Variants in CCDC7 observed in about 807,000 individuals in gnomAD.
CCDC7 encodes the protein coiled-coil domain-containing protein 7.
Under a neutral mutation model 196.9 loss-of-function variants are expected in CCDC7, and 183 were observed. The observed-to-expected ratio is 0.93, with a 90% CI of 0.82 to 1.05. CCDC7 has a LOEUF of 1.05. CCDC7 is among the 50% of genes least tolerant of loss of function. CCDC7 has a pLI of 0.00. For synonymous variants in CCDC7, 525 were observed against 484.6 expected (o/e 1.08, Z -1.10); for missense variants, 1,540 against 1,482.2 (o/e 1.04, Z -0.64).
At chr10:32,739,393 C>G (rs1414024407) in intron 28 of CCDC7, among the ~76,000 whole-genome samples, 1 of 151,996 alleles carries the variant, frequency 6.6e-6, no homozygotes, top group Non-Finnish European at 1.5e-5. Context: ...TCTTTTTTGA[C>G]TGTGTCCAGT....
chr10:32,751,431 C>T (rs2075640221), intron 28 of CCDC7, among the ~76,000 whole-genome samples: 1 of 152,052 alleles, frequency 6.6e-6, no homozygotes, highest in East Asian at 1.9e-4. Context: ...TTATTGGAAG[C>T]ATGAATATTT....
At chr10:32,806,396 G>A (rs971894779) in intron 30 of CCDC7, among the ~76,000 whole-genome samples, 4 of 152,132 alleles carry the variant, frequency 2.6e-5, no homozygotes, top group Admixed American at 1.3e-4. Flanking sequence ...AACAGCTTAT[G>A]AGAATCCTAG....
chr10:32,651,725 C>T (rs76078552), intron 20 of CCDC7, among the ~76,000 whole-genome samples: 219 of 152,162 alleles, frequency 1.4e-3, no homozygotes, highest in Non-Finnish European at 2.5e-3. Flanking sequence ...CATCTTGGGG[C>T]TGACACCTCT....
intron 28 of CCDC7, among the ~76,000 whole-genome samples, chr10:32,738,602 T>TCCC (rs1375240933): frequency 1.3e-5 from 2 of 150,342 alleles, no homozygotes; most frequent in Admixed American, 6.7e-5. Flanking sequence ...AGCCTCCAAG[T>TCCC]ACCTGGGACT....
At chr10:32,713,818 T>C (rs1290352103) in intron 25 of CCDC7, among the ~76,000 whole-genome samples, 1 of 152,246 alleles carries the variant, frequency 6.6e-6, no homozygotes, top group Non-Finnish European at 1.5e-5. Context: ...CAGTGTTTGC[T>C]ATCTGGGCAG....
At chr10:32,790,329 A>G (rs2082497197) in intron 29 of CCDC7, among the ~76,000 whole-genome samples, 1 of 152,178 alleles carries the variant, frequency 6.6e-6, no homozygotes, top group Non-Finnish European at 1.5e-5. Context: ...GTGGAGGAAG[A>G]CATGCCCCCA....
chr10:32,637,961 T>G (rs377584286), intron 20 of CCDC7, among the ~76,000 whole-genome samples: 10 of 152,282 alleles, frequency 6.6e-5, no homozygotes, highest in South Asian at 4.1e-4. Context: ...TTGTAAGTTG[T>G]ATTCCTAGGT....
intron 18 of CCDC7, among the ~76,000 whole-genome samples, chr10:32,587,694 A>T (rs1227811673): frequency 6.6e-6 from 1 of 152,212 alleles, no homozygotes; most frequent in Non-Finnish European, 1.5e-5. Flanking sequence ...TATATGAATC[A>T]TCTGTGAATA....
At chr10:32,610,026 A>G (rs916810866) in intron 18 of CCDC7, among the ~76,000 whole-genome samples, 17 of 135,374 alleles carry the variant, frequency 1.3e-4, no homozygotes, top group Admixed American at 1.1e-3. Flanking sequence ...ATGTGTATGT[A>G]TGAGTGTGTG....
chr10:32,674,864 C>G (rs1326841111), intron 21 of CCDC7, among the ~76,000 whole-genome samples: 3 of 151,614 alleles, frequency 2.0e-5, no homozygotes, highest in Non-Finnish European at 1.5e-5. Context: ...TTTTTTGTCT[C>G]TTGACATCTT....
chr10:32,552,511 T>G (rs760523211), intron 13 of CCDC7, among the ~76,000 whole-genome samples: 38 of 152,200 alleles, frequency 2.5e-4, no homozygotes, highest in Non-Finnish European at 4.7e-4. Flanking sequence ...GTTTTATAGA[T>G]CCTGTGTGAA....
intron 18 of CCDC7, among the ~76,000 whole-genome samples, chr10:32,626,125 T>G (rs1394672810): frequency 6.6e-6 from 1 of 152,120 alleles, no homozygotes; most frequent in Non-Finnish European, 1.5e-5. Context: ...CTATTTTTAG[T>G]GTTTTGAGGA....
At position 32,500,251 on chromosome 10, in the gene CCDC7, G is replaced by A. The variant is rs926482745; in HGVS notation, c.872+8254G>A. On this transcript the variant is annotated intron_variant, in intron 9 of 41. Transcript: ENST00000639629. ...GGGGCTGCCCCCCGACCTCCTGGAC[G>A]GGGCGGCTGCCCGGTGGAGACGCTC... Among the ~76,000 whole-genome samples, 106 of 151,732 alleles carry A rather than the reference G, an allele frequency of 7.0e-4. 1 individual carries two copies. In the Middle Eastern group the frequency reaches 0.014, roughly 20 times the overall value.
At chr10:32,723,764 A>G (rs1254746455) in intron 25 of CCDC7, among the ~76,000 whole-genome samples, 1 of 152,070 alleles carries the variant, frequency 6.6e-6, no homozygotes, top group African/African-American at 2.4e-5. Flanking sequence ...GAAAAACCCA[A>G]GTCTCTAAGA....
At chr10:32,453,532 C>T in intron 2 of CCDC7, 96 bp downstream of exon 3, 1 of 769,300 alleles carries the variant, frequency 1.3e-6, no homozygotes, top group Non-Finnish European at 1.8e-6. Flanking sequence ...TTTTGGAGTA[C>T]TTATTATATC....
At chr10:32,720,534 G>T (rs2142115245) in intron 25 of CCDC7, among the ~76,000 whole-genome samples, 1 of 152,182 alleles carries the variant, frequency 6.6e-6, no homozygotes, top group Non-Finnish European at 1.5e-5. Flanking sequence ...TAACAAGCCT[G>T]CATGTTCTGC....
At chr10:32,869,590 T>A (rs568461438) in intron 41 of CCDC7, among the ~76,000 whole-genome samples, 4 of 152,314 alleles carry the variant, frequency 2.6e-5, no homozygotes, top group Non-Finnish European at 4.4e-5. Flanking sequence ...TTGTCAATTT[T>A]GGCTTTTGTT....
At chr10:32,659,826 T>C (rs1046267277) in intron 20 of CCDC7, among the ~76,000 whole-genome samples, 2 of 152,118 alleles carry the variant, frequency 1.3e-5, no homozygotes, top group African/African-American at 4.8e-5. Context: ...CAAAAAGAAC[T>C]GATGCTGGCA....
intron 11 of CCDC7, among the ~76,000 whole-genome samples, chr10:32,536,426 A>G: frequency 6.6e-6 from 1 of 152,126 alleles, no homozygotes. Flanking sequence ...AGATTTTGAG[A>G]TGGCTTTTTG....
Sources: gnomAD v4.1 joint callset for allele counts (sites outside exome capture counted in the v4.1 genomes callset) on GRCh38, gnomAD v4.1.1 for gene constraint, MANE v1.5 for transcripts, NCBI Gene and HGNC (gene_info 2026-07-23, HGNC 2026-07-21) for gene names.